The following PPP2CB variants were observed in gnomAD, a reference collection of about 807,000 sequenced individuals.
The protein encoded by PPP2CB is protein phosphatase 2 catalytic subunit beta, also known as serine/threonine-protein phosphatase 2A catalytic subunit beta isoform.
PPP2CB carries 18 observed loss-of-function variants against 39.1 expected under a neutral mutation model. The observed-to-expected ratio is 0.46, with a 90% CI of 0.32 to 0.68. PPP2CB has a LOEUF of 0.68. Ranked by LOEUF, PPP2CB falls within the 30% of genes least tolerant of loss-of-function variation. PPP2CB has a pLI of 0.04. For synonymous variants in PPP2CB, 129 were observed against 133.8 expected (o/e 0.96, Z 0.25); for missense variants, 226 against 396.9 (o/e 0.57, Z 3.66).
intron 6 of PPP2CB, among the ~76,000 whole-genome samples, chr8:30,789,247 C>T (rs1051522150): frequency 3.9e-5 from 6 of 152,114 alleles, no homozygotes; most frequent in African/African-American, 1.4e-4. Flanking sequence ...TCAGGCTGGT[C>T]TTGAACTCCC....
At chr8:30,803,264 C>T (rs186770158) in intron 1 of PPP2CB, among the ~76,000 whole-genome samples, 2 of 151,928 alleles carry the variant, frequency 1.3e-5, no homozygotes, top group East Asian at 1.9e-4. Flanking sequence ...CAAAGGAGGC[C>T]GGGGGCAGTG....
intron 1 of PPP2CB, among the ~76,000 whole-genome samples, chr8:30,808,378 G>A (rs1806760739): frequency 1.3e-5 from 2 of 151,704 alleles, no homozygotes; most frequent in Admixed American, 1.3e-4. Context: ...GGATTACAGG[G>A]GTGAGCCACC....
chr8:30,811,442 TCA>T (rs1448747318), intron 1 of PPP2CB, among the ~76,000 whole-genome samples: 5 of 151,472 alleles, frequency 3.3e-5, no homozygotes, highest in Admixed American at 1.3e-4. Context: ...ATTTTAAAAA[TCA>T]CAGTTGGCCA....
At position 30,795,823 on chromosome 8, in the gene PPP2CB, T is replaced by C. The variant is rs1488551424; in HGVS notation, c.487-1542A>G. Among the ~76,000 whole-genome samples, 3 of 152,370 alleles carry C rather than the reference T, an allele frequency of 2.0e-5. No homozygotes were observed. In the East Asian group the frequency reaches 5.8e-4, roughly 29 times the overall value. On this transcript the variant is annotated intron_variant, in intron 3 of 6. Coordinates refer to ENST00000221138, the MANE Select transcript of PPP2CB (RefSeq NM_001009552.2). ...CTTTTCAAACTTAGTGCACTAAAGC[T>C]GCACCTGTTCTTGTGATACACGAGC... is the stretch of plus-strand genomic sequence containing the variant.
At chr8:30,805,438 T>C (rs1423263598) in intron 1 of PPP2CB, among the ~76,000 whole-genome samples, 2 of 151,986 alleles carry the variant, frequency 1.3e-5, no homozygotes, top group African/African-American at 2.4e-5. Flanking sequence ...CAGGCACCTG[T>C]AGTCCCAGCT....
chr8:30,807,087 A>G (rs1387252318), intron 1 of PPP2CB, among the ~76,000 whole-genome samples: 1 of 152,198 alleles, frequency 6.6e-6, no homozygotes, highest in Non-Finnish European at 1.5e-5. Context: ...TTCAGTCACT[A>G]GAATTGGGTC....
At position 30,799,556 on chromosome 8, in the gene PPP2CB, A is replaced by C. The variant is rs1284340223; in HGVS notation, c.302T>G (p.Val101Gly). ...TTTCAATAATCATACCTTTAATGCT[A>C]CAAGAAGAGTCACAGTCTCCACTGA... ...YYSVETVTLL[V>G]ALKVRYPERI... The change falls in exon 2 of 7, where the codon GTA (valine) becomes GGA (glycine). Residue 101 changes from valine (V) to glycine (G), a missense_variant. Physicochemically the swap from Val to Gly is moderately radical, Grantham distance 109. This residue lies in a region of PPP2CB where 110 missense variants were observed against 244.1 expected (regional missense o/e 0.45). Transcript: ENST00000221138. 1 of 1,610,414 alleles carries C rather than the reference A, an allele frequency of 6.2e-7. No individual in the cohort carries two copies. The highest frequency in any genetic ancestry group is 1.1e-5 in the South Asian group (1 of 90,308).
At chr8:30,804,667 C>T (rs1806688691) in intron 1 of PPP2CB, among the ~76,000 whole-genome samples, 3 of 152,058 alleles carry the variant, frequency 2.0e-5, no homozygotes, top group African/African-American at 7.2e-5. Context: ...ATATTGGTGC[C>T]AAAACTGAGG....
chr8:30,809,385 G>T (rs1806785872), intron 1 of PPP2CB, among the ~76,000 whole-genome samples: 2 of 152,090 alleles, frequency 1.3e-5, no homozygotes, highest in South Asian at 4.1e-4. Context: ...GGAGGATGGG[G>T]TAGGGATATA....
intron 2 of PPP2CB, among the ~76,000 whole-genome samples, chr8:30,799,086 C>A (rs1274958320): frequency 6.6e-6 from 1 of 152,096 alleles, no homozygotes; most frequent in East Asian, 1.9e-4. Flanking sequence ...CAGGAAGTAA[C>A]AATATAAAAG....
Position 30,799,716 on chromosome 8 carries a change from C to G in PPP2CB, c.142G>C (p.Val48Leu), listed in dbSNP as rs1452680689. 6.2e-7 allele frequency: 1 copy of G among 1,613,824 alleles called. No individual in the cohort carries two copies. Among genetic ancestry groups the G allele is most frequent in the Non-Finnish European group, 8.5e-7 (1 of 1,179,946 alleles). The change falls in exon 2 of 7, where the codon GTT becomes CTT. Residue 48 changes from valine to leucine, a missense_variant. This residue lies in a region of PPP2CB where 110 missense variants were observed against 244.1 expected (regional missense o/e 0.45). Transcript: ENST00000221138. ...CCACAGACAGTAACAGGGCAACGAA[C>G]CTCTTGCACATTTGATTCTTTTGTT... ...ILTKESNVQEVRCPVTVCGDV... is the reference protein window; with the variant it reads ...ILTKESNVQELRCPVTVCGDV...
At chr8:30,810,475 G>A (rs1806806998) in intron 1 of PPP2CB, among the ~76,000 whole-genome samples, 1 of 152,110 alleles carries the variant, frequency 6.6e-6, no homozygotes, top group Admixed American at 6.5e-5. Flanking sequence ...ACAAAAAAAG[G>A]AAGTCAATGG....
intron 1 of PPP2CB, among the ~76,000 whole-genome samples, chr8:30,811,531 G>A (rs1167271615): frequency 1.5e-5 from 2 of 129,626 alleles, no homozygotes; most frequent in African/African-American, 3.1e-5. Context: ...TTTTGCTGTC[G>A]CCCAGGCTGG....
intron 1 of PPP2CB, among the ~76,000 whole-genome samples, chr8:30,805,641 A>G (rs1806710796): frequency 6.6e-6 from 1 of 152,200 alleles, no homozygotes; most frequent in Non-Finnish European, 1.5e-5. Context: ...AAAAAAATCC[A>G]ACTATGCTAA....
intron 6 of PPP2CB, 69 bp from the exon 7 acceptor site, chr8:30,786,376 A>T (rs1806341530): frequency 1.5e-6 from 2 of 1,294,978 alleles, no homozygotes; most frequent in African/African-American, 3.0e-5. Context: ...AATAAAGAAC[A>T]AGACACTGTA....
chr8:30,786,703 G>A (rs1276171082), intron 6 of PPP2CB, among the ~76,000 whole-genome samples: 1 of 130,434 alleles, frequency 7.7e-6, no homozygotes, highest in Non-Finnish European at 1.5e-5. Context: ...TTGCTCTGTC[G>A]CCCAGGCTGG....
Position 30,812,334 on chromosome 8 carries a change from T to C in PPP2CB, c.88A>G (p.Thr30Ala), listed in dbSNP as rs1806850661. The change falls in exon 1 of 7, where the codon ACG (threonine) becomes GCG (alanine). Residue 30 changes from threonine to alanine, a missense_variant. By Grantham distance (58) the Thr-to-Ala change is moderately conservative. Coordinates refer to ENST00000221138, the MANE Select transcript of PPP2CB (RefSeq NM_001009552.2). ...GGCGCCCTCACCTTCTCGCACAGCG[T>C]CCGCACTTGGTTCTCGTTCAGCTGC... ...CKQLNENQVRTLCEKAKEILT... is the reference protein window; with the variant it reads ...CKQLNENQVRALCEKAKEILT... The C allele has an allele frequency of 3.9e-6, 6 of 1,542,858 alleles. No homozygotes were observed. The East Asian group carries it at 1.5e-4, about 39-fold the overall frequency.
chr8:30,804,581 G>A (rs937244526), intron 1 of PPP2CB, among the ~76,000 whole-genome samples: 7 of 152,148 alleles, frequency 4.6e-5, no homozygotes, highest in African/African-American at 1.7e-4. Flanking sequence ...CAGTGTAACA[G>A]CTTAAAGTGA....
intron 1 of PPP2CB, among the ~76,000 whole-genome samples, chr8:30,807,990 T>C (rs1806752205): frequency 6.6e-6 from 1 of 152,200 alleles, no homozygotes; most frequent in African/African-American, 2.4e-5. Flanking sequence ...ATTCATACTC[T>C]TTATTTTTTG....
Sources: gnomAD v4.1 joint callset for allele counts (sites outside exome capture counted in the v4.1 genomes callset) on GRCh38, gnomAD v4.1.1 for gene constraint, gnomAD v4.1.1 regional missense constraint, MANE v1.5 for transcripts, NCBI Gene and HGNC (gene_info 2026-07-23, HGNC 2026-07-21) for gene names.